EPHA5: variants seen among roughly 807,000 people sequenced by gnomAD.
EPHA5 encodes the protein EPH receptor A5, also known as ephrin type-A receptor 5.
Under a neutral mutation model 105.0 loss-of-function variants are expected in EPHA5, and 60 were observed. That is an observed-to-expected ratio of 0.57 (90% CI 0.46 to 0.71). The LOEUF is 0.71. Among genes scored for constraint, EPHA5 ranks in the 30% least tolerant of loss-of-function variants. EPHA5 has a pLI of 0.00. For missense variants in EPHA5, 1,218 were observed against 1,274.7 expected, an observed-to-expected ratio of 0.96 and a Z score of 0.68; for synonymous variants, 513 against 449.1, an observed-to-expected ratio of 1.14 and a Z score of -1.80.
chr4:65,432,590 T>A (rs1294668796), intron 5 of EPHA5, among the ~76,000 whole-genome samples: 3 of 152,056 alleles, frequency 2.0e-5, no homozygotes, highest in Non-Finnish European at 4.4e-5. Flanking sequence ...TTTTTTAATA[T>A]GGAGTCTTAC....
At chr4:65,502,451 GAACA>G (rs1292628812) in intron 3 of EPHA5, among the ~76,000 whole-genome samples, 1 of 150,704 alleles carries the variant, frequency 6.6e-6, no homozygotes, top group Admixed American at 6.6e-5. Flanking sequence ...CAAAATACAT[GAACA>G]AACACTTCTC....
chr4:65,444,965 A>G (rs1413254118), intron 5 of EPHA5, among the ~76,000 whole-genome samples: 1 of 152,120 alleles, frequency 6.6e-6, no homozygotes, highest in Admixed American at 6.5e-5. Context: ...TTTAAACAAT[A>G]CAGAAAATAT....
intron 5 of EPHA5, among the ~76,000 whole-genome samples, chr4:65,449,695 C>T (rs1406490412): frequency 6.6e-6 from 1 of 152,094 alleles, no homozygotes; most frequent in African/African-American, 2.4e-5. Context: ...AGGGGCTTTG[C>T]AGGACCATGT....
At chr4:65,627,643 A>G (rs556683391) in intron 2 of EPHA5, among the ~76,000 whole-genome samples, 3 of 152,306 alleles carry the variant, frequency 2.0e-5, no homozygotes, top group Admixed American at 1.3e-4. Context: ...TCATGATAGC[A>G]TTGCCATTTC....
chr4:65,600,450 A>T (rs1743607843), intron 3 of EPHA5, among the ~76,000 whole-genome samples: 1 of 152,196 alleles, frequency 6.6e-6, no homozygotes, highest in African/African-American at 2.4e-5. Context: ...GTGCTGAAAA[A>T]GGAATTTCAA....
chr4:65,484,073 C>T (rs554701098), intron 5 of EPHA5, among the ~76,000 whole-genome samples: 6 of 152,192 alleles, frequency 3.9e-5, no homozygotes, highest in Non-Finnish European at 8.8e-5. Context: ...TGTGGTTTCT[C>T]CACTAAAGAG....
At chr4:65,591,699 T>C (rs779483107) in intron 3 of EPHA5, among the ~76,000 whole-genome samples, 4 of 152,066 alleles carry the variant, frequency 2.6e-5, no homozygotes, top group Non-Finnish European at 5.9e-5. Flanking sequence ...TCATGTAAAT[T>C]ATTTTAATTC....
In EPHA5 at chr4:65,581,828, A is replaced by G. The variant is rs190187051; in HGVS notation, c.910+19813T>C. Among the ~76,000 whole-genome samples, 1,014 of 151,892 alleles carry G rather than the reference A, an allele frequency of 6.7e-3. 12 individuals are homozygous for G. Among genetic ancestry groups the G allele is most frequent in the African/African-American group, 0.023 (962 of 41,540 alleles). On this transcript the variant is annotated intron_variant, in intron 3 of 16. Transcript: ENST00000613740. ...ACTTGGTTTATATGCTAAAGTCATG[A>G]AGTAACTGTCCAAGAGTTTTAACCA...
intron 1 of EPHA5, among the ~76,000 whole-genome samples, chr4:65,644,617 G>GAT (rs1400647088): frequency 6.6e-6 from 1 of 151,892 alleles, no homozygotes; most frequent in Non-Finnish European, 1.5e-5. Context: ...TACTTTATAA[G>GAT]ATAATATAAC....
At chr4:65,324,826 G>C (rs996088621) in intron 16 of EPHA5, among the ~76,000 whole-genome samples, 3 of 146,234 alleles carry the variant, frequency 2.1e-5, no homozygotes, top group Non-Finnish European at 3.0e-5. Flanking sequence ...CTGGCACTTA[G>C]AGCATGCTGA....
intron 2 of EPHA5, among the ~76,000 whole-genome samples, chr4:65,613,218 G>C (rs188223012): frequency 5.1e-4 from 77 of 152,072 alleles, no homozygotes; most frequent in African/African-American, 1.8e-3. Context: ...ACTCTATTCT[G>C]TTCCACTGAT....
intron 5 of EPHA5, among the ~76,000 whole-genome samples, chr4:65,475,276 T>C (rs1451979820): frequency 2.0e-5 from 3 of 152,142 alleles, no homozygotes; most frequent in Non-Finnish European, 4.4e-5. Context: ...CAATTGAGTA[T>C]AACGAATGCA....
chr4:65,543,521 G>A (rs1407408016), intron 3 of EPHA5, among the ~76,000 whole-genome samples: 4 of 152,010 alleles, frequency 2.6e-5, no homozygotes, highest in Admixed American at 6.6e-5. Context: ...AACAAGGGAT[G>A]TGAAGGACCT....
chr4:65,438,051 ATT>A (rs1323204829), intron 5 of EPHA5, among the ~76,000 whole-genome samples: 1 of 151,986 alleles, frequency 6.6e-6, no homozygotes, highest in Non-Finnish European at 1.5e-5. Flanking sequence ...TAGTAGGATC[ATT>A]CTTTTATTTA....
chr4:65,558,434 A>G (rs2149352830), intron 3 of EPHA5, among the ~76,000 whole-genome samples: 1 of 152,168 alleles, frequency 6.6e-6, no homozygotes, highest in Non-Finnish European at 1.5e-5. Flanking sequence ...TCAGTTGGTC[A>G]TTTTATTGGT....
intron 3 of EPHA5, among the ~76,000 whole-genome samples, chr4:65,558,697 G>A (rs559349328): frequency 4.0e-5 from 6 of 151,640 alleles, no homozygotes; most frequent in Admixed American, 2.6e-4. Context: ...CCTCCTCCCC[G>A]CACCCCACAA....
intron 5 of EPHA5, among the ~76,000 whole-genome samples, chr4:65,425,748 T>C (rs1279887129): frequency 6.6e-6 from 1 of 152,112 alleles, no homozygotes; most frequent in African/African-American, 2.4e-5. Context: ...TGGCTCACTA[T>C]TGTTGCCTGT....
At chr4:65,649,117 G>T (rs1748373557) in intron 1 of EPHA5, among the ~76,000 whole-genome samples, 1 of 152,222 alleles carries the variant, frequency 6.6e-6, no homozygotes, top group African/African-American at 2.4e-5. Flanking sequence ...CATATGCATA[G>T]TCTTTTTTAG....
Position 65,345,592 on chromosome 4 carries a change from T to C in EPHA5, c.2595+2462A>G, listed in dbSNP as rs1722138000. 2.0e-5 allele frequency among the ~76,000 whole-genome samples: 3 copies of C among 152,166 alleles called. No individual in the cohort carries two copies. The South Asian group carries it at 6.2e-4, about 31-fold the overall frequency. On this transcript the variant is annotated intron_variant, in intron 14 of 16. Transcript: ENST00000613740. Reference sequence around the variant, plus strand: ...AACAGACAGAGAGCGAGAGGAACTATGGAAAGTCGGAGGACATCCTCCTCC... The same window carrying C: ...AACAGACAGAGAGCGAGAGGAACTACGGAAAGTCGGAGGACATCCTCCTCC...
Sources: allele counts gnomAD v4.1 joint callset (sites outside exome capture counted in the v4.1 genomes callset), GRCh38; gene constraint gnomAD v4.1.1; transcripts MANE v1.5; gene names NCBI Gene and HGNC (gene_info 2026-07-23, HGNC 2026-07-21).